The following MYO1H variants were observed in gnomAD, a reference collection of about 807,000 sequenced individuals.
MYO1H encodes the protein myosin IH, also known as unconventional myosin-Ih.
MYO1H carries 118 observed loss-of-function variants against 149.3 expected under a neutral mutation model. That is an observed-to-expected ratio of 0.79 (90% CI 0.68 to 0.92). MYO1H has a LOEUF of 0.92. MYO1H is among the 40% of genes least tolerant of loss of function. The probability of loss-of-function intolerance (pLI) is 0.00; values close to 1 mark genes in which losing one functional copy is unlikely to be tolerated. For synonymous variants in MYO1H, 447 were observed against 465.2 expected, an observed-to-expected ratio of 0.96 and a Z score of 0.50; for missense variants, 1,212 against 1,280.7, an observed-to-expected ratio of 0.95 and a Z score of 0.82.
chr12:109,372,176 TG>T (rs778711554), intron 1 of MYO1H, among the ~76,000 whole-genome samples: 6 of 152,180 alleles, frequency 3.9e-5, no homozygotes, highest in Non-Finnish European at 7.4e-5. Flanking sequence ...TCTGTTCTTT[TG>T]TGGATTCTGG....
chr12:109,444,283 G>C (rs770841818), exon 29 of MYO1H: 4 of 1,613,484 alleles, frequency 2.5e-6, no homozygotes, highest in Non-Finnish European at 3.4e-6. Flanking sequence ...GCAAGCAAAA[G>C]GTAATTGACA....
At chr12:109,424,886 C>A in intron 17 of MYO1H, 58 bp downstream of exon 17, 2 of 1,328,960 alleles carry the variant, frequency 1.5e-6, no homozygotes, top group Non-Finnish European at 2.2e-6. Flanking sequence ...AGATGACCAC[C>A]AACTACCTAC....
At chr12:109,439,865 G>C in intron 24 of MYO1H, 75 bp downstream of exon 24, 1 of 1,364,184 alleles carries the variant, frequency 7.3e-7, no homozygotes, top group Non-Finnish European at 1.0e-6. Flanking sequence ...GCATGTCTTT[G>C]TGCTGCCTCC....
intron 1 of MYO1H, among the ~76,000 whole-genome samples, chr12:109,369,488 G>C (rs1186951684): frequency 6.6e-6 from 1 of 152,096 alleles, no homozygotes; most frequent in East Asian, 1.9e-4. Context: ...GATGAGAGTG[G>C]CTTTTGCTTT....
intron 10 of MYO1H, among the ~76,000 whole-genome samples, chr12:109,409,243 CTTCTTTTTTTT>C (rs1340536394): frequency 1.9e-4 from 11 of 59,070 alleles, no homozygotes; most frequent in East Asian, 5.9e-4. Flanking sequence ...TCTTCTTCTT[CTTCTTTTTTTT>C]TTTTTTTTTT....
chr12:109,402,138 A>G (rs1870193701), intron 6 of MYO1H, among the ~76,000 whole-genome samples: 1 of 152,236 alleles, frequency 6.6e-6, no homozygotes, highest in Admixed American at 6.5e-5. Context: ...AGCTATTCCT[A>G]TAAACAAGCC....
chr12:109,439,498 T>TGGCCTGTGGCCTACATTCTA, intron 23 of MYO1H, 133 bp from the exon 24 acceptor site: 1 of 676,082 alleles, frequency 1.5e-6, no homozygotes, highest in Non-Finnish European at 2.4e-6. Context: ...GGGGCAGATT[T>TGGCCTGTGGCCTACATTCTA]GGCCTCTGGC....
At chr12:109,387,677 A>T (rs1042282456) in intron 1 of MYO1H, among the ~76,000 whole-genome samples, 2 of 152,182 alleles carry the variant, frequency 1.3e-5, no homozygotes, top group African/African-American at 4.8e-5. Context: ...GGGGACACAC[A>T]CTAACCGTGT....
Position 109,415,540 on chromosome 12 carries a change from G to A in MYO1H, c.1517G>A (p.Gly506Asp), listed in dbSNP as rs756467189. ...CTGTCTCGTAGCCGTAAGCTGGCTGGTCCAAAGGGCCGAAAGAGGATTGGC... is the reference window on the plus strand; with the variant it reads ...CTGTCTCGTAGCCGTAAGCTGGCTGATCCAAAGGGCCGAAAGAGGATTGGC... Residue 506 changes from glycine (G) to aspartate (D), a missense_variant, in exon 15 of 32, where the codon GGT becomes GAT. Transcript: ENST00000310903. 2.1e-5 allele frequency: 33 copies of A among 1,606,430 alleles called. No individual in the cohort carries two copies. Among genetic ancestry groups the A allele is most frequent in the Non-Finnish European group, 2.7e-5 (32 of 1,176,608 alleles).
At chr12:109,358,846 T>TAAAAAA (rs541289093) in intron 1 of MYO1H, among the ~76,000 whole-genome samples, 25 of 84,530 alleles carry the variant, frequency 3.0e-4, no homozygotes, top group African/African-American at 1.4e-3. Flanking sequence ...CCTGTGGTGT[T>TAAAAAA]AAAAAAAAAA....
At chr12:109,359,869 G>A (rs1868702903) in intron 1 of MYO1H, among the ~76,000 whole-genome samples, 1 of 152,184 alleles carries the variant, frequency 6.6e-6, no homozygotes, top group Non-Finnish European at 1.5e-5. Flanking sequence ...GCCATGAAAC[G>A]CAGTTAGTAT....
exon 20 of MYO1H, chr12:109,432,922 T>C: frequency 6.2e-7 from 1 of 1,614,010 alleles, no homozygotes; most frequent in South Asian, 1.1e-5. Context: ...CCCAGACACC[T>C]GGCCGCACTG....
rs189950317 is a variant in MYO1H, at chr12:109,447,211, G to A, written c.*29G>A. 3.8e-5 allele frequency: 60 copies of A among 1,580,920 alleles called. No homozygotes were observed. The East Asian group carries it at 8.9e-4, about 23-fold the overall frequency. On this transcript the variant is annotated 3_prime_UTR_variant, in exon 32 of 32. Coordinates refer to ENST00000310903, the Ensembl canonical transcript of MYO1H. ...AGGATGACGTCTGACCTCTACCATC[G>A]CCATTTTTGCTCCAACTGAGGAAAC...
the MYO1H span, among the ~76,000 whole-genome samples, chr12:109,334,885 T>A: frequency 1.3e-5 from 2 of 152,224 alleles, no homozygotes; most frequent in East Asian, 3.8e-4. Context: ...TCACCACTAT[T>A]TGAGAACATT....
At chr12:109,433,516 G>A (rs1429894052) in intron 20 of MYO1H, among the ~76,000 whole-genome samples, 1 of 152,234 alleles carries the variant, frequency 6.6e-6, no homozygotes, top group African/African-American at 2.4e-5. Flanking sequence ...GAAGATCCGA[G>A]TCCGTCTTGT....
the MYO1H span, among the ~76,000 whole-genome samples, chr12:109,340,641 A>G: frequency 6.6e-6 from 1 of 152,268 alleles, no homozygotes; most frequent in Admixed American, 6.5e-5. Context: ...AAAATTAAAT[A>G]TTGCAGTACA....
At chr12:109,370,843 C>G (rs1431929416) in intron 1 of MYO1H, among the ~76,000 whole-genome samples, 1 of 152,144 alleles carries the variant, frequency 6.6e-6, no homozygotes, top group African/African-American at 2.4e-5. Context: ...GCTGGGGACA[C>G]ACAATGAAAA....
intron 27 of MYO1H, among the ~76,000 whole-genome samples, chr12:109,443,011 T>A (rs201595659): frequency 0.11 from 6,229 of 56,344 alleles, 998 homozygotes; most frequent in East Asian, 0.39. Flanking sequence ...AAAAAAAAAA[T>A]ATATATATAT....
At chr12:109,410,372 A>T (rs1048142697) in intron 12 of MYO1H, among the ~76,000 whole-genome samples, 1 of 151,890 alleles carries the variant, frequency 6.6e-6, no homozygotes, top group Non-Finnish European at 1.5e-5. Flanking sequence ...GAACTCCTGG[A>T]CTCAAGTGAT....
Sources: gnomAD v4.1 joint callset for allele counts (sites outside exome capture counted in the v4.1 genomes callset) on GRCh38, gnomAD v4.1.1 for gene constraint, MANE v1.5 for transcripts, NCBI Gene and HGNC (gene_info 2026-07-23, HGNC 2026-07-21) for gene names.